ASH2L: variants seen among roughly 807,000 people sequenced by gnomAD.
ASH2L encodes set1/Ash2 histone methyltransferase complex subunit ASH2.
In ASH2L, 30 loss-of-function variants were observed where a neutral mutation model predicts 81.1. The observed-to-expected ratio is 0.37, with a 90% CI of 0.28 to 0.50. ASH2L has a LOEUF of 0.50. ASH2L is among the 20% of genes least tolerant of loss of function. The pLI is 0.95. For missense variants in ASH2L, 559 were observed against 792.1 expected, an observed-to-expected ratio of 0.71 and a Z score of 3.53; for synonymous variants, 273 against 279.9, an observed-to-expected ratio of 0.98 and a Z score of 0.24.
At chr8:38,122,157 T>C (rs1207871886) in intron 10 of ASH2L, among the ~76,000 whole-genome samples, 1 of 152,214 alleles carries the variant, frequency 6.6e-6, no homozygotes, top group Non-Finnish European at 1.5e-5. Context: ...TTTTGTTGTT[T>C]AAATTATTCC....
chr8:38,105,895 G>T (rs1236870014), intron 1 of ASH2L, 157 bp downstream of exon 1: 2 of 1,458,448 alleles, frequency 1.4e-6, no homozygotes, highest in Non-Finnish European at 1.8e-6. Context: ...CCCCTCTCAA[G>T]CATATCTCGG....
In ASH2L at chr8:38,139,139, C is replaced by A; in HGVS notation, c.*68C>A. The A allele has an allele frequency of 7.9e-7, 1 of 1,258,118 alleles. No individual in the cohort carries two copies. The highest frequency in any genetic ancestry group is 1.1e-6 in the Non-Finnish European group (1 of 911,770). The allele number at this position is 1,258,118 out of a possible 1,614,324, so 77.9% of individuals were successfully genotyped here. A position where few individuals can be genotyped will look rare whatever the true frequency, so the allele number is the denominator to read the frequency against. ...TGGGGGTTTTGTTTTTGTTTTTGAA[C>A]TGTCTCAAATGTTCTCCCAAAGATG... is the stretch of plus-strand genomic sequence containing the variant. On this transcript the variant is annotated 3_prime_UTR_variant, in exon 16 of 16. Coordinates refer to ENST00000343823, the MANE Select transcript of ASH2L (RefSeq NM_004674.5).
At chr8:38,128,707 A>G (rs1801949240) in intron 11 of ASH2L, 51 bp from the exon 12 acceptor site, 3 of 1,573,080 alleles carry the variant, frequency 1.9e-6, no homozygotes, top group Non-Finnish European at 2.6e-6. Flanking sequence ...TCAGCAAACT[A>G]GATTTGACTT....
intron 10 of ASH2L, among the ~76,000 whole-genome samples, chr8:38,122,136 T>C (rs560130440): frequency 6.6e-6 from 1 of 152,342 alleles, no homozygotes; most frequent in South Asian, 2.1e-4. Context: ...TATAATCCAA[T>C]ACTTTGATTA....
rs1412554874 is a variant in ASH2L at position 38,107,023 on chromosome 8, A to G, written c.258A>G (p.Glu86=). Reference sequence around the variant, plus strand: ...AGTCTCGAACTGCTCTGACACAGGAAGGTGCTGGGGATACATCAGAGGTGA... The same window carrying G: ...AGTCTCGAACTGCTCTGACACAGGAGGGTGCTGGGGATACATCAGAGGTGA... ...TESSNGKDTL[E]GAGDTSEVMD... Residue 86 remains glutamate (E), a splice_region_variant and synonymous_variant, in exon 3 of 16, where the codon GAA becomes GAG. Coordinates refer to ENST00000343823, the MANE Select transcript of ASH2L (RefSeq NM_004674.5). 2 of 1,613,986 alleles carry G rather than the reference A, an allele frequency of 1.2e-6. No homozygotes were observed. Among genetic ancestry groups the G allele is most frequent in the Non-Finnish European group, 1.7e-6 (2 of 1,179,906 alleles).
rs1356587328 is a variant in ASH2L, at chr8:38,115,965, G to A, written c.778-685G>A. Among the ~76,000 whole-genome samples the A allele has an allele frequency of 3.9e-5, 6 of 152,202 alleles. No homozygotes were observed. The East Asian group carries it at 5.8e-4, about 15-fold the overall frequency. ...TTTCAGACTGTGCATGGTGGCTCAC[G>A]CCTGTAATCCCAGCACTTTGGGAGG... On this transcript the variant is annotated intron_variant, in intron 7 of 15. Transcript: ENST00000343823.
chr8:38,126,758 G>C (rs1246436208), intron 10 of ASH2L, among the ~76,000 whole-genome samples: 1 of 151,338 alleles, frequency 6.6e-6, no homozygotes, highest in African/African-American at 2.4e-5. Context: ...GGAGGCTGAG[G>C]CAGGAGAATG....
At chr8:38,136,504 CT>C (rs1802262621) in intron 14 of ASH2L, among the ~76,000 whole-genome samples, 2 of 151,776 alleles carry the variant, frequency 1.3e-5, no homozygotes, top group Admixed American at 1.3e-4. Context: ...GCTGGGTGCA[CT>C]GGCTCACGCT....
intron 3 of ASH2L, among the ~76,000 whole-genome samples, chr8:38,107,859 AATAC>A (rs769227148): frequency 7.0e-6 from 1 of 142,090 alleles, no homozygotes; most frequent in African/African-American, 2.7e-5. Context: ...ATTGTGAAGA[AATAC>A]ATATATGTGT....
chr8:38,114,403 C>A, intron 6 of ASH2L, 116 bp downstream of exon 6: 1 of 696,088 alleles, frequency 1.4e-6, no homozygotes, highest in Non-Finnish European at 2.4e-6. Flanking sequence ...AATGTTAAAT[C>A]TTTGAGTGTG....
chr8:38,120,921 C>A lies in ASH2L; in HGVS notation c.948-11C>A. The A allele has an allele frequency of 6.2e-7, 1 of 1,608,942 alleles. No homozygotes were observed. ...TTTTAGTTTTTTGATGTTATTTTTT[C>A]CTTTCTGCAGTGACCCTTTGTTTTC... On this transcript the variant is annotated splice_polypyrimidine_tract_variant and intron_variant, in intron 9 of 15. Transcript: ENST00000343823.
chr8:38,114,700 G>A (rs1290111991), intron 6 of ASH2L: 1 of 542,246 alleles, frequency 1.8e-6, no homozygotes, highest in Non-Finnish European at 3.3e-6. Flanking sequence ...GATAGGTGAG[G>A]ATTATGAAAA....
intron 12 of ASH2L, among the ~76,000 whole-genome samples, chr8:38,131,048 T>C (rs1244201340): frequency 6.6e-6 from 1 of 152,242 alleles, no homozygotes; most frequent in East Asian, 1.9e-4. Context: ...TGTATTTCAG[T>C]GATCTGTTTC....
At position 38,116,614 on chromosome 8, in the gene ASH2L, C is replaced by T. The variant is rs533517968; in HGVS notation, c.778-36C>T. The T allele has an allele frequency of 1.3e-5, 20 of 1,533,436 alleles. No individual in the cohort carries two copies. In the East Asian group the frequency reaches 1.6e-4, roughly 12 times the overall value. The allele number at this position is 1,533,436 out of a possible 1,614,324, so 95.0% of individuals were successfully genotyped here. ...ATGAGCATCCAGATTGACTGACTTA[C>T]GTAGACTCCTTTTTTAATTGGATGT... On this transcript the variant is annotated intron_variant, in intron 7 of 15. Transcript: ENST00000343823.
rs138267796 is a variant in ASH2L at position 38,109,055 on chromosome 8, G to A, written c.402-1324G>A. ...CATGATTGCTACTGCACTCCAGCCT[G>A]GGTAACAGAGTGATACCCTGTCTCA... On this transcript the variant is annotated intron_variant, in intron 3 of 15. Coordinates refer to ENST00000343823, the MANE Select transcript of ASH2L (RefSeq NM_004674.5). Among the ~76,000 whole-genome samples the A allele has an allele frequency of 4.0e-3, 614 of 152,264 alleles. 1 individual carries two copies. Among genetic ancestry groups the A allele is most frequent in the Non-Finnish European group, 6.1e-3 (414 of 68,024 alleles).
intron 2 of ASH2L, among the ~76,000 whole-genome samples, chr8:38,106,694 A>G (rs1810448847): frequency 6.6e-6 from 1 of 151,704 alleles, no homozygotes; most frequent in African/African-American, 2.4e-5. Context: ...TCTTTTTAGT[A>G]GAGACGGGGT....
At chr8:38,127,692 A>AAGATCG (rs1563258987) in intron 10 of ASH2L, among the ~76,000 whole-genome samples, 1 of 145,256 alleles carries the variant, frequency 6.9e-6, no homozygotes, top group Non-Finnish European at 1.5e-5. Context: ...GCAGTGAGCC[A>AAGATCG]AGATCGTGCC....
chr8:38,128,454 C>A lies in ASH2L; in HGVS notation c.1329C>A (p.Pro443=). 1 of 1,613,350 alleles carries A rather than the reference C, an allele frequency of 6.2e-7. No individual in the cohort carries two copies. Among genetic ancestry groups the A allele is most frequent in the Non-Finnish European group, 8.5e-7 (1 of 1,179,818 alleles). ...CTGCCAGACTGGGTTGGTCCCAGCC[C>A]CTAGGTAAGCTGGGGCCTTAATATG... ...DTAARLGWSQ[P]LGNLQAPLGY... Residue 443 remains proline, a synonymous_variant, in exon 11 of 16, where the codon CCC becomes CCA. Transcript: ENST00000343823.
chr8:38,112,937 A>C (rs537325670), intron 5 of ASH2L, among the ~76,000 whole-genome samples: 1 of 152,098 alleles, frequency 6.6e-6, no homozygotes, highest in South Asian at 2.1e-4. Context: ...ATTTTTTAAA[A>C]ATCAGTGTGT....
Sources: gnomAD v4.1 joint callset for allele counts (sites outside exome capture counted in the v4.1 genomes callset) on GRCh38, gnomAD v4.1.1 for gene constraint, MANE v1.5 for transcripts, NCBI Gene and HGNC (gene_info 2026-07-23, HGNC 2026-07-21) for gene names.